NELL1: variants seen among roughly 807,000 people sequenced by gnomAD.
NELL1 encodes neural EGFL like 1, also known as protein kinase C-binding protein NELL1.
Under a neutral mutation model 107.4 loss-of-function variants are expected in NELL1, and 76 were observed. That is an observed-to-expected ratio of 0.71 (90% confidence interval 0.59 to 0.86). NELL1 has a LOEUF of 0.86. NELL1 is among the 40% of genes least tolerant of loss of function. The pLI, the probability that NELL1 is intolerant of heterozygous loss-of-function variation, is 0.00. For synonymous variants in NELL1, 353 were observed against 341.2 expected, an observed-to-expected ratio of 1.03 and a Z score of -0.38; for missense variants, 1,024 against 1,005.5, an observed-to-expected ratio of 1.02 and a Z score of -0.25.
chr11:20,730,050 C>A (rs1199380200), intron 2 of NELL1, among the ~76,000 whole-genome samples: 1 of 152,126 alleles, frequency 6.6e-6, no homozygotes, highest in South Asian at 2.1e-4. Context: ...TCATATAGGA[C>A]CTTAGACACA....
intron 14 of NELL1, among the ~76,000 whole-genome samples, chr11:21,364,136 C>T (rs968459538): frequency 1.2e-4 from 19 of 152,028 alleles, no homozygotes; most frequent in African/African-American, 4.3e-4. Context: ...TCAGGCCAGG[C>T]GTGGTGGCTC....
chr11:20,669,818 G>T lies in NELL1; in HGVS notation c.55+40G>T, dbSNP rs749477989. 1 of 1,574,434 alleles carries T rather than the reference G, an allele frequency of 6.4e-7. No homozygotes were observed. ...GGCGGTTAGAGGGATCCGGGAAATG[G>T]GGGTGCCCACAGACCACGGCGGCGT... On this transcript the variant is annotated intron_variant, in intron 1 of 19. Transcript: ENST00000357134. The surrounding 1 kb of genome is among the most constrained non-coding windows in gnomAD (Gnocchi z 4.4).
At chr11:21,269,648 G>A (rs1391480036) in intron 14 of NELL1, among the ~76,000 whole-genome samples, 1 of 152,018 alleles carries the variant, frequency 6.6e-6, no homozygotes, top group Non-Finnish European at 1.5e-5. Flanking sequence ...AAAATTGAGG[G>A]TTTTGTGCCA....
At chr11:21,468,932 A>G (rs1450788677) in intron 15 of NELL1, among the ~76,000 whole-genome samples, 1 of 152,080 alleles carries the variant, frequency 6.6e-6, no homozygotes, top group East Asian at 1.9e-4. Flanking sequence ...GTCAGATCTG[A>G]AATAGTGCTA....
chr11:20,928,702 G>A (rs1198528700), intron 9 of NELL1, among the ~76,000 whole-genome samples: 2 of 151,906 alleles, frequency 1.3e-5, no homozygotes, highest in East Asian at 3.9e-4. Flanking sequence ...CACATCACCT[G>A]TAATTACTAT....
intron 16 of NELL1, among the ~76,000 whole-genome samples, chr11:21,550,275 T>C (rs1374595223): frequency 6.6e-6 from 1 of 152,040 alleles, no homozygotes; most frequent in East Asian, 1.9e-4. Context: ...AAAAATTTTC[T>C]CCCATTTTGT....
At chr11:21,123,976 G>A (rs970963879) in intron 13 of NELL1, among the ~76,000 whole-genome samples, 1 of 152,040 alleles carries the variant, frequency 6.6e-6, no homozygotes, top group African/African-American at 2.4e-5. Flanking sequence ...TAAAAAATAT[G>A]TATGAATACA....
chr11:21,444,939 A>T (rs1004471493), intron 15 of NELL1, among the ~76,000 whole-genome samples: 1 of 152,090 alleles, frequency 6.6e-6, no homozygotes, highest in African/African-American at 2.4e-5. Context: ...TACATTGTAC[A>T]TTTTTAGATT....
chr11:21,326,949 A>G (rs1395860270), intron 14 of NELL1, among the ~76,000 whole-genome samples: 1 of 152,036 alleles, frequency 6.6e-6, no homozygotes, highest in African/African-American at 2.4e-5. Context: ...TTTTGTTTTT[A>G]AATGAGTTTC....
intron 2 of NELL1, among the ~76,000 whole-genome samples, chr11:20,755,533 G>GTTTTTTTTTTTT (rs1564894850): frequency 1.7e-5 from 1 of 60,576 alleles, no homozygotes; most frequent in African/African-American, 4.3e-5. Flanking sequence ...GACCTGTGTG[G>GTTTTTTTTTTTT]GTTTTTGTTT....
At chr11:20,717,159 G>A (rs1855271322) in intron 2 of NELL1, among the ~76,000 whole-genome samples, 1 of 152,086 alleles carries the variant, frequency 6.6e-6, no homozygotes, top group African/African-American at 2.4e-5. Context: ...AATTCTTTAG[G>A]AAATCCTTAA....
chr11:21,435,239 A>G (rs931226463), intron 15 of NELL1, among the ~76,000 whole-genome samples: 1 of 152,094 alleles, frequency 6.6e-6, no homozygotes, highest in Non-Finnish European at 1.5e-5. Flanking sequence ...AGAGTGGTGA[A>G]AGTGGGCATT....
chr11:21,009,327 A>G (rs1241442786), intron 12 of NELL1, among the ~76,000 whole-genome samples: 1 of 152,082 alleles, frequency 6.6e-6, no homozygotes, highest in East Asian at 1.9e-4. Flanking sequence ...CAGTAATTGA[A>G]GGTCTTCTGT....
At chr11:20,945,828 G>T (rs1850950599) in intron 10 of NELL1, among the ~76,000 whole-genome samples, 1 of 152,190 alleles carries the variant, frequency 6.6e-6, no homozygotes, top group Admixed American at 6.5e-5. Flanking sequence ...GATTAAAAAT[G>T]AAGTGCAGTT....
At chr11:21,065,607 G>A (rs1853848966) in intron 12 of NELL1, among the ~76,000 whole-genome samples, 1 of 152,168 alleles carries the variant, frequency 6.6e-6, no homozygotes, top group Non-Finnish European at 1.5e-5. Flanking sequence ...TGCATTCAAA[G>A]AGAACTCTAG....
chr11:21,182,029 C>G (rs746593641), intron 13 of NELL1, among the ~76,000 whole-genome samples: 5 of 151,826 alleles, frequency 3.3e-5, no homozygotes, highest in Non-Finnish European at 7.3e-5. Flanking sequence ...GATAAGAATA[C>G]AGAGACACAG....
At chr11:21,274,170 G>A (rs573016419) in intron 14 of NELL1, among the ~76,000 whole-genome samples, 2 of 152,240 alleles carry the variant, frequency 1.3e-5, no homozygotes, top group South Asian at 4.1e-4. Flanking sequence ...CTCACGTGCA[G>A]AGACACACAT....
In NELL1 at chr11:20,678,008, A is replaced by C; in HGVS notation, c.132A>C (p.Gly44=). Residue 44 remains glycine (G), a synonymous_variant, in exon 2 of 20, where the codon GGA becomes GGC. Transcript: ENST00000357134. ...TELDLVNTTL[G]VAQVSGMHNA... ...TTGACCTTGTGAACACCACCCTTGG[A>C]GTTGCTCAGGTGTCTGGAATGCACA... 6.2e-7 allele frequency: 1 copy of C among 1,614,074 alleles called. No homozygotes were observed.
chr11:21,208,250 G>C (rs932574969), intron 13 of NELL1, among the ~76,000 whole-genome samples: 4 of 151,604 alleles, frequency 2.6e-5, no homozygotes, highest in Admixed American at 1.3e-4. Context: ...CTATTCTTTA[G>C]TAATAAAAGA....
Sources: allele counts gnomAD v4.1 joint callset (sites outside exome capture counted in the v4.1 genomes callset), GRCh38; gene constraint gnomAD v4.1.1; non-coding constraint Gnocchi (gnomAD v3.1); transcripts MANE v1.5; gene names NCBI Gene and HGNC (gene_info 2026-07-23, HGNC 2026-07-21).